SPOCK1: variants seen among roughly 807,000 people sequenced by gnomAD.
SPOCK1 encodes the protein SPARC (osteonectin), cwcv and kazal like domains proteoglycan 1, also known as testican-1.
In SPOCK1, 23 loss-of-function variants were observed where a neutral mutation model predicts 55.3. That is an observed-to-expected ratio of 0.42 (90% CI 0.30 to 0.59). The LOEUF (loss-of-function observed/expected upper bound fraction) is 0.59. SPOCK1 is among the 20% of genes least tolerant of loss of function. The pLI is 0.22. For missense variants in SPOCK1, 499 were observed against 552.5 expected (o/e 0.90, Z 0.97); for synonymous variants, 226 against 221.0 (o/e 1.02, Z -0.20).
At chr5:137,360,242 G>A (rs897976802) in intron 2 of SPOCK1, among the ~76,000 whole-genome samples, 11 of 152,198 alleles carry the variant, frequency 7.2e-5, no homozygotes, top group African/African-American at 2.7e-4. Flanking sequence ...AAGAAGGCAG[G>A]CATTGTGTGC....
At chr5:137,359,355 C>T (rs1750891062) in intron 2 of SPOCK1, among the ~76,000 whole-genome samples, 1 of 152,190 alleles carries the variant, frequency 6.6e-6, no homozygotes, top group African/African-American at 2.4e-5. Flanking sequence ...TTATCACCTC[C>T]CTCTCTGATT....
chr5:137,358,333 G>A (rs1463264443), intron 2 of SPOCK1, among the ~76,000 whole-genome samples: 1 of 150,892 alleles, frequency 6.6e-6, no homozygotes, highest in Non-Finnish European at 1.5e-5. Flanking sequence ...CTTGACCCAG[G>A]GCATCTCTTA....
intron 4 of SPOCK1, among the ~76,000 whole-genome samples, chr5:137,120,099 G>A (rs1466593677): frequency 1.3e-5 from 2 of 152,122 alleles, no homozygotes; most frequent in Non-Finnish European, 2.9e-5. Flanking sequence ...TTCAAGCTGG[G>A]AGGTCAACCA....
intron 2 of SPOCK1, among the ~76,000 whole-genome samples, chr5:137,318,773 G>T (rs190634298): frequency 6.6e-6 from 1 of 152,284 alleles, no homozygotes; most frequent in East Asian, 1.9e-4. Context: ...GCATATATGA[G>T]ACAGCACAGA....
intron 5 of SPOCK1, among the ~76,000 whole-genome samples, chr5:137,089,390 T>C (rs1256422956): frequency 6.6e-6 from 1 of 152,146 alleles, no homozygotes; most frequent in Non-Finnish European, 1.5e-5. Context: ...ATAGCAGCTG[T>C]CATGGCCAAC....
chr5:137,127,395 C>T (rs965358804), intron 4 of SPOCK1, among the ~76,000 whole-genome samples: 1 of 152,250 alleles, frequency 6.6e-6, no homozygotes, highest in African/African-American at 2.4e-5. Flanking sequence ...GAACCAGAGA[C>T]ACTGTAGGGG....
intron 2 of SPOCK1, among the ~76,000 whole-genome samples, chr5:137,473,005 G>C (rs1459736983): frequency 6.6e-6 from 1 of 152,152 alleles, no homozygotes; most frequent in African/African-American, 2.4e-5. Flanking sequence ...TATGTTGCCG[G>C]TTAAAGGGCA....
In SPOCK1 at chr5:136,975,758, C is replaced by T. The variant is rs937124505; in HGVS notation, c.*2896G>A. On this transcript the variant is annotated 3_prime_UTR_variant, in exon 11 of 11. Coordinates refer to ENST00000394945, the MANE Select transcript of SPOCK1 (RefSeq NM_004598.4). ...GGAGAAACAGATACAAAATCTCCAA[C>T]TCAGTATTAAGGTATTCTCATGCCT... 6.6e-6 allele frequency: 1 copy of T among 152,164 alleles called. No homozygotes were observed. The highest frequency in any genetic ancestry group is 1.5e-5 in the Non-Finnish European group (1 of 68,048). 9.4% of individuals were successfully genotyped at this position (152,164 alleles called of 1,614,324 possible).
intron 2 of SPOCK1, among the ~76,000 whole-genome samples, chr5:137,376,957 C>A (rs1375276613): frequency 2.6e-5 from 4 of 152,172 alleles, no homozygotes; most frequent in Non-Finnish European, 5.9e-5. Flanking sequence ...GTTTTTGCTG[C>A]AATATGGCAC....
intron 2 of SPOCK1, among the ~76,000 whole-genome samples, chr5:137,414,090 A>G (rs542985285): frequency 9.2e-5 from 14 of 152,380 alleles, no homozygotes; most frequent in Non-Finnish European, 1.9e-4. Flanking sequence ...CACACACAAG[A>G]AAATGTTTTG....
intron 2 of SPOCK1, among the ~76,000 whole-genome samples, chr5:137,393,452 C>T (rs1345558791): frequency 6.6e-6 from 1 of 152,216 alleles, no homozygotes; most frequent in Non-Finnish European, 1.5e-5. Context: ...ACAGGCATGC[C>T]AGGAGACCAG....
At chr5:137,222,376 C>T (rs1755872418) in intron 3 of SPOCK1, among the ~76,000 whole-genome samples, 1 of 152,166 alleles carries the variant, frequency 6.6e-6, no homozygotes, top group Admixed American at 6.5e-5. Flanking sequence ...AAGGCTAACA[C>T]CAGTAGCTAA....
At chr5:137,377,942 CT>C (rs3043282) in intron 2 of SPOCK1, among the ~76,000 whole-genome samples, 362 of 104,612 alleles carry the variant, frequency 3.5e-3, no homozygotes, top group African/African-American at 9.0e-3. Context: ...TCACTTCTTC[CT>C]TTTTTTTTTT....
chr5:137,218,642 G>A (rs1755764438), intron 3 of SPOCK1, among the ~76,000 whole-genome samples: 1 of 152,190 alleles, frequency 6.6e-6, no homozygotes, highest in Admixed American at 6.5e-5. Flanking sequence ...TTGACAAGTT[G>A]TATGACTCAG....
chr5:137,235,416 G>A (rs780664884), intron 3 of SPOCK1, among the ~76,000 whole-genome samples: 3 of 152,170 alleles, frequency 2.0e-5, no homozygotes, highest in African/African-American at 4.8e-5. Context: ...ATAACTGCAC[G>A]CAAAACCTTA....
intron 3 of SPOCK1, among the ~76,000 whole-genome samples, chr5:137,208,088 C>A (rs897577756): frequency 3.3e-5 from 5 of 152,096 alleles, no homozygotes; most frequent in African/African-American, 1.2e-4. Flanking sequence ...CAAAATAATC[C>A]CAATTTAAAT....
At chr5:137,236,454 G>T (rs898909219) in intron 3 of SPOCK1, among the ~76,000 whole-genome samples, 10 of 152,340 alleles carry the variant, frequency 6.6e-5, no homozygotes, top group African/African-American at 2.2e-4. Context: ...TTTAACAGTG[G>T]GTTAGCCTGA....
intron 2 of SPOCK1, among the ~76,000 whole-genome samples, chr5:137,457,642 A>C (rs62374249): frequency 0.22 from 34,044 of 152,144 alleles, 4,050 homozygotes; most frequent in Admixed American, 0.33. Flanking sequence ...GTTTTAAATC[A>C]GTAATTCAAC....
At chr5:137,011,360 A>G (rs1412937746) in intron 6 of SPOCK1, among the ~76,000 whole-genome samples, 3 of 152,154 alleles carry the variant, frequency 2.0e-5, no homozygotes, top group African/African-American at 7.2e-5. Context: ...GGTTAATTTT[A>G]GGTGGTATTA....
Sources: allele counts gnomAD v4.1 joint callset (sites outside exome capture counted in the v4.1 genomes callset), GRCh38; gene constraint gnomAD v4.1.1; transcripts MANE v1.5; gene names NCBI Gene and HGNC (gene_info 2026-07-23, HGNC 2026-07-21).